CSRNP1: variants seen among roughly 807,000 people sequenced by gnomAD.
CSRNP1 encodes cysteine and serine rich nuclear protein 1, also known as cysteine/serine-rich nuclear protein 1.
Under a neutral mutation model 25.0 loss-of-function variants are expected in CSRNP1, and 8 were observed. The observed-to-expected ratio is 0.32, with a 90% confidence interval of 0.19 to 0.58. CSRNP1 has a LOEUF of 0.58. Among genes scored for constraint, CSRNP1 ranks in the 20% least tolerant of loss-of-function variants. The probability of loss-of-function intolerance (pLI) is 0.88; values close to 1 mark genes in which losing one functional copy is unlikely to be tolerated. For synonymous variants in CSRNP1, 305 were observed against 303.1 expected (o/e 1.01, Z -0.06); for missense variants, 691 against 773.1 (o/e 0.89, Z 1.26).
chr3:39,146,495 C>A lies in CSRNP1; in HGVS notation c.188G>T (p.Gly63Val), dbSNP rs2039512824. The A allele has an allele frequency of 6.5e-7, 1 of 1,546,140 alleles. No individual in the cohort carries two copies. Among genetic ancestry groups the A allele is most frequent in the Non-Finnish European group, 8.7e-7 (1 of 1,143,888 alleles). ...GTACTCACGGGTGAAACTTCTGGGG[C>A]CGCAGAAGTCACGGTCAGGCAGGGG... is the stretch of plus-strand genomic sequence containing the variant. ...QMPLPDRDFC[G>V]PRSFTPLSIL... The change falls in exon 2 of 5, where the codon GGC (glycine) becomes GTC (valine). Residue 63 changes from glycine to valine, a missense_variant. Coordinates refer to ENST00000273153, the MANE Select transcript of CSRNP1 (RefSeq NM_033027.4).
At chr3:39,154,364 C>T (rs2039628927), upstream of CSRNP1, 1 of 152,264 alleles carries the variant, frequency 6.6e-6, no homozygotes, top group Admixed American at 6.5e-5. Flanking sequence ...CCACTGCCTT[C>T]TCTGCTCCCG....
Position 39,145,212 on chromosome 3 carries a change from C to T in CSRNP1, c.250G>A (p.Val84Ile). The T allele has an allele frequency of 6.2e-7, 1 of 1,612,498 alleles. No homozygotes were observed. Among genetic ancestry groups the T allele is most frequent in the Non-Finnish European group, 8.5e-7 (1 of 1,178,676 alleles). ...AAGACGGTGATCCCATCAAAGGCTACACGGCCTGGGCGCTCCCGGCGAGCC... is the reference window on the plus strand; with the variant it reads ...AAGACGGTGATCCCATCAAAGGCTATACGGCCTGGGCGCTCCCGGCGAGCC... ...KRARRERPGRVAFDGITVFYF... is the reference protein window; with the variant it reads ...KRARRERPGRIAFDGITVFYF... The change falls in exon 3 of 5, where the codon GTA becomes ATA. Residue 84 changes from valine to isoleucine, a missense_variant. Physicochemically the swap from Val to Ile is conservative, Grantham distance 29. Transcript: ENST00000273153.
rs201626609 is a variant in CSRNP1, at chr3:39,143,543, T to G, written c.1282A>C (p.Ile428Leu). ...DNLSCFHPAD[I>L]FGTSDPGGLA... ...CCACCAGGGTCACTAGTACCAAAGATGTCAGCTGGATGGAAGCAGCTGAGG... is the reference window on the plus strand; with the variant it reads ...CCACCAGGGTCACTAGTACCAAAGAGGTCAGCTGGATGGAAGCAGCTGAGG... Residue 428 changes from isoleucine to leucine, a missense_variant, in exon 5 of 5, where the codon ATC becomes CTC. By Grantham distance (5) the Ile-to-Leu change is conservative. Transcript: ENST00000273153. The G allele has an allele frequency of 2.0e-4, 329 of 1,614,064 alleles. 1 individual carries two copies. The highest frequency in any genetic ancestry group is 2.7e-4 in the Non-Finnish European group (317 of 1,180,042).
At position 39,146,607 on chromosome 3, in the gene CSRNP1, A is replaced by G. The variant is rs1445419888; in HGVS notation, c.76T>C (p.Ser26Pro). The change falls in exon 2 of 5, where the codon TCT (serine) becomes CCT (proline). Residue 26 changes from serine to proline, a missense_variant. Ser to Pro is a moderately conservative substitution (Grantham distance 74). Coordinates refer to ENST00000273153, the MANE Select transcript of CSRNP1 (RefSeq NM_033027.4). ...GAGCAGGAGCGAGACTGGCACCCAG[A>G]GGAAGAGGAGGAGGAGGAGACCGAG... Reference protein sequence around the residue: ...NSSVSSSSSSSGCQSRSCSPS... With the variant: ...NSSVSSSSSSPGCQSRSCSPS... The G allele has an allele frequency of 3.2e-6, 5 of 1,570,182 alleles. No individual in the cohort carries two copies. Among genetic ancestry groups the G allele is most frequent in the Non-Finnish European group, 4.3e-6 (5 of 1,157,258 alleles).
At position 39,144,351 on chromosome 3, in the gene CSRNP1, G is replaced by A. The variant is rs2039473626; in HGVS notation, c.566C>T (p.Ala189Val). The A allele has an allele frequency of 1.9e-6, 3 of 1,614,016 alleles. No individual in the cohort carries two copies. The highest frequency in any genetic ancestry group is 2.5e-6 in the Non-Finnish European group (3 of 1,180,050). Residue 189 changes from alanine (A) to valine (V), a missense_variant, in exon 4 of 5, where the codon GCA becomes GTA. Ala to Val is a moderately conservative substitution (Grantham distance 64). Transcript: ENST00000273153. ...GCTCACTTCTTCCAACCGGCCACCT[G>A]CCACAGCGACTGCCAAGTCCTCCTC... ...SVEEDLAVAVAGGRLEEVSFL... is the reference protein window; with the variant it reads ...SVEEDLAVAVVGGRLEEVSFL...
At chr3:39,150,917 A>T (rs1559734473) in intron 1 of CSRNP1, 1 of 152,210 alleles carries the variant, frequency 6.6e-6, no homozygotes, top group Non-Finnish European at 1.5e-5. Flanking sequence ...ACTCCTCTGG[A>T]GAGGCGGGGG....
intron 1 of CSRNP1, chr3:39,152,098 T>G (rs1042593957): frequency 6.6e-6 from 1 of 152,242 alleles, no homozygotes; most frequent in East Asian, 1.9e-4. Flanking sequence ...GGAGGACAAA[T>G]AGAGTGGGGT....
rs2039417940 is a variant in CSRNP1 at position 39,142,034 on chromosome 3, T to C, written c.*1021A>G. On this transcript the variant is annotated 3_prime_UTR_variant, in exon 5 of 5. Coordinates refer to ENST00000273153, the MANE Select transcript of CSRNP1 (RefSeq NM_033027.4). ...ACACTCAGGGACAATGTAGAAATTA[T>C]GATGCAAAATTAAACATTAGCAAAC... is the stretch of plus-strand genomic sequence containing the variant. 6.6e-6 allele frequency: 1 copy of C among 152,664 alleles called. No homozygotes were observed. Among genetic ancestry groups the C allele is most frequent in the African/African-American group, 2.4e-5 (1 of 41,466 alleles). The allele number at this position is 152,664 out of a possible 1,614,324, so 9.5% of individuals were successfully genotyped here. A position where few individuals can be genotyped will look rare whatever the true frequency, so the allele number is the denominator to read the frequency against.
In CSRNP1 at chr3:39,143,720, G is replaced by C; in HGVS notation, c.1105C>G (p.Pro369Ala). The C allele has an allele frequency of 6.2e-7, 1 of 1,614,144 alleles. No individual in the cohort carries two copies. Among genetic ancestry groups the C allele is most frequent in the Non-Finnish European group, 8.5e-7 (1 of 1,179,966 alleles). ...AGGCCTGGGTGGGTGGGGCAGTCAGGAGCCTCACTAGTGCCCGATGCTGAT... is the reference window on the plus strand; with the variant it reads ...AGGCCTGGGTGGGTGGGGCAGTCAGCAGCCTCACTAGTGCCCGATGCTGAT... ...SSSASGTSEA[P>A]DCPTHPGLPG... Residue 369 changes from proline to alanine, a missense_variant, in exon 5 of 5, where the codon CCT becomes GCT. Physicochemically the swap from Pro to Ala is conservative, Grantham distance 27 (BLOSUM62 -1). Coordinates refer to ENST00000273153, the MANE Select transcript of CSRNP1 (RefSeq NM_033027.4).
rs755929825 is a variant in CSRNP1 at position 39,146,522 on chromosome 3, A to G, written c.161T>C (p.Met54Thr). The G allele has an allele frequency of 1.9e-6, 3 of 1,551,242 alleles. No homozygotes were observed. Among genetic ancestry groups the G allele is most frequent in the Non-Finnish European group, 2.6e-6 (3 of 1,146,816 alleles). Residue 54 changes from methionine (M) to threonine (T), a missense_variant, in exon 2 of 5, where the codon ATG becomes ACG. By Grantham distance (81) the Met-to-Thr change is moderately conservative (BLOSUM62 -1). Transcript: ENST00000273153. The part of the protein sequence containing the change: ...DSEEEGPWDQ[M>T]PLPDRDFCGP... ...GCAGAAGTCACGGTCAGGCAGGGGC[A>G]TCTGATCCCAGGGGCCTTCCTCCTC...
At chr3:39,149,938 T>C (rs1267892728) in intron 1 of CSRNP1, 1 of 152,164 alleles carries the variant, frequency 6.6e-6, no homozygotes, top group Non-Finnish European at 1.5e-5. Context: ...TGAGACTGAA[T>C]CCCCAGTGTG....
Position 39,149,987 on chromosome 3 carries a change from G to A in CSRNP1, c.-40-3265C>T, listed in dbSNP as rs890508717. 3.3e-5 allele frequency: 5 copies of A among 152,146 alleles called. No individual in the cohort carries two copies. In the East Asian group the frequency reaches 9.6e-4, roughly 29 times the overall value. The allele number at this position is 152,146 out of a possible 1,614,324, so 9.4% of individuals were successfully genotyped here. ...GTGGGCCTTGGGGTAATCAGGAGATGAATGACACCTTATTAGCACCTTTAT... is the reference window on the plus strand; with the variant it reads ...GTGGGCCTTGGGGTAATCAGGAGATAAATGACACCTTATTAGCACCTTTAT... On this transcript the variant is annotated intron_variant, in intron 1 of 4. Transcript: ENST00000273153.
intron 1 of CSRNP1, chr3:39,151,027 G>C (rs2039574102): frequency 6.6e-6 from 1 of 152,290 alleles, no homozygotes; most frequent in Non-Finnish European, 1.5e-5. Context: ...CAGAGACAAG[G>C]AGAGGCCAAG....
chr3:39,150,763 G>C (rs2039569615), intron 1 of CSRNP1: 1 of 152,254 alleles, frequency 6.6e-6, no homozygotes, highest in African/African-American at 2.4e-5. Context: ...GAGAACTTAA[G>C]GTGAGGAGGT....
chr3:39,143,881 G>A lies in CSRNP1; in HGVS notation c.944C>T (p.Pro315Leu), dbSNP rs1391573588. The A allele has an allele frequency of 6.2e-7, 1 of 1,614,172 alleles. No individual in the cohort carries two copies. The change falls in exon 5 of 5, where the codon CCT becomes CTT. Residue 315 changes from proline (P) to leucine (L), a missense_variant. By Grantham distance (98) the Pro-to-Leu change is moderately conservative. Coordinates refer to ENST00000273153, the MANE Select transcript of CSRNP1 (RefSeq NM_033027.4). ...EAESFRELEA[P>L]AQGSPPSPGE... ...AGGGCTGGGTGGGCTGCCCTGGGCA[G>A]GGGCCTCCAGCTCCCTAAAGCTCTC...
chr3:39,143,201 G>A lies in CSRNP1; in HGVS notation c.1624C>T (p.Leu542=), dbSNP rs2039439151. ...CTGCTGGCATCCCCAGGTGGAGACAGGCCAGGCAGGGGGAAGTGAGGTGCC... is the reference window on the plus strand; with the variant it reads ...CTGCTGGCATCCCCAGGTGGAGACAAGCCAGGCAGGGGGAAGTGAGGTGCC... ...IEAPHFPLPG[L]SPPGDASSCF... The change falls in exon 5 of 5, where the codon CTG becomes TTG. Residue 542 remains leucine, a synonymous_variant. Transcript: ENST00000273153. 2 of 1,614,254 alleles carry A rather than the reference G, an allele frequency of 1.2e-6. No homozygotes were observed. The highest frequency in any genetic ancestry group is 1.6e-4 in the Middle Eastern group (1 of 6,062).
intron 3 of CSRNP1, among the ~76,000 whole-genome samples, chr3:39,144,712 AC>A (rs1559731381): frequency 6.7e-6 from 1 of 149,560 alleles, no homozygotes; most frequent in African/African-American, 2.5e-5. Flanking sequence ...ACAGATACGC[AC>A]CCCCTCCAGT....
intron 2 of CSRNP1, among the ~76,000 whole-genome samples, chr3:39,145,539 AG>A (rs1464527118): frequency 1.3e-5 from 2 of 152,246 alleles, no homozygotes; most frequent in African/African-American, 4.8e-5. Context: ...AGCCATGTAC[AG>A]GTCCTTTGTA....
In CSRNP1 at chr3:39,143,500, TGGGTCCAGCTGGCCAGGCCACCA is replaced by T. The variant is rs777394776; in HGVS notation, c.1302_1324del (p.Gly435GlnfsTer6). 6.2e-7 allele frequency: 1 copy of T among 1,614,128 alleles called. No individual in the cohort carries two copies. The highest frequency in any genetic ancestry group is 1.7e-5 in the Admixed American group (1 of 60,016). ...TGTGAAGCTACAGCCAGAATAGCTG[TGGGTCCAGCTGGCCAGGCCACCA>T]GGGTCACTAGTACCAAAGATGTCAG... On this transcript the variant is annotated frameshift_variant, in exon 5 of 5. Coordinates refer to ENST00000273153, the MANE Select transcript of CSRNP1 (RefSeq NM_033027.4). LOFTEE classifies it low-confidence loss of function (END_TRUNC).
Sources: allele counts gnomAD v4.1 joint callset (sites outside exome capture counted in the v4.1 genomes callset), GRCh38; gene constraint gnomAD v4.1.1; transcripts MANE v1.5; gene names NCBI Gene and HGNC (gene_info 2026-07-23, HGNC 2026-07-21).